Variants in GLYATL2 observed in about 807,000 individuals in gnomAD.
GLYATL2 encodes the protein glycine-N-acyltransferase like 2.
A neutral mutation model predicts 21.4 loss-of-function variants in GLYATL2; 25 were observed. The observed-to-expected ratio is 1.17, with a 90% CI of 0.85 to 1.63. The LOEUF (loss-of-function observed/expected upper bound fraction) is 1.63, where lower values mean the gene tolerates loss of function less well. GLYATL2 is among the 40% of genes most tolerant of loss of function. The probability of loss-of-function intolerance (pLI) is 0.00; values close to 1 mark genes in which losing one functional copy is unlikely to be tolerated. For missense variants in GLYATL2, 361 were observed against 343.3 expected, an observed-to-expected ratio of 1.05 and a Z score of -0.41; for synonymous variants, 114 against 118.2, an observed-to-expected ratio of 0.96 and a Z score of 0.23.
chr11:58,898,268 T>A (rs1190855268), intron 1 of GLYATL2, among the ~76,000 whole-genome samples: 1 of 152,186 alleles, frequency 6.6e-6, no homozygotes, highest in Non-Finnish European at 1.5e-5. Flanking sequence ...GTGAGACAAA[T>A]GTTTTTATTC....
chr11:58,850,970 T>C (rs1853731019), intron 1 of GLYATL2, among the ~76,000 whole-genome samples: 1 of 152,196 alleles, frequency 6.6e-6, no homozygotes, highest in Non-Finnish European at 1.5e-5. Context: ...TTAAAGTCTT[T>C]GATCTTTCTG....
upstream of GLYATL2, among the ~76,000 whole-genome samples, chr11:58,908,795 A>G (rs1854971559): frequency 6.6e-6 from 1 of 152,252 alleles, no homozygotes; most frequent in African/African-American, 2.4e-5. Context: ...ACTTAAAATC[A>G]TGGAAAGTAC....
chr11:58,864,852 A>G (rs1220893018), intron 1 of GLYATL2, among the ~76,000 whole-genome samples: 1 of 149,022 alleles, frequency 6.7e-6, no homozygotes, highest in Non-Finnish European at 1.5e-5. Flanking sequence ...ATCCAGTCAG[A>G]TTTCTAAATA....
intron 1 of GLYATL2, among the ~76,000 whole-genome samples, chr11:58,895,252 T>C (rs4939237): frequency 0.88 from 134,483 of 152,264 alleles, 60,650 homozygotes; most frequent in Non-Finnish European, 0.98. Flanking sequence ...AGGAGGATTT[T>C]TTAAATAGAG....
At chr11:58,872,030 G>A (rs1305763470) in intron 1 of GLYATL2, among the ~76,000 whole-genome samples, 1 of 152,154 alleles carries the variant, frequency 6.6e-6, no homozygotes, top group African/African-American at 2.4e-5. Context: ...TTCTCTGATG[G>A]CCAGTGATGA....
At chr11:58,858,361 TAA>T (rs1295480103) in intron 1 of GLYATL2, among the ~76,000 whole-genome samples, 1 of 152,200 alleles carries the variant, frequency 6.6e-6, no homozygotes, top group African/African-American at 2.4e-5. Flanking sequence ...CAACTGATGA[TAA>T]GTTAGCTAGA....
At chr11:58,867,834 G>A (rs540214521) in intron 1 of GLYATL2, among the ~76,000 whole-genome samples, 2 of 148,946 alleles carry the variant, frequency 1.3e-5, no homozygotes, top group East Asian at 4.4e-4. Context: ...TATCAGAGAA[G>A]TGGACTTGGA....
intron 1 of GLYATL2, among the ~76,000 whole-genome samples, chr11:58,858,942 C>A (rs572947298): frequency 6.6e-6 from 1 of 152,284 alleles, no homozygotes; most frequent in East Asian, 1.9e-4. Flanking sequence ...TCTTGCTATA[C>A]TTTCCTTCTC....
intron 1 of GLYATL2, among the ~76,000 whole-genome samples, chr11:58,882,483 C>A (rs143939970): frequency 6.6e-6 from 1 of 152,068 alleles, no homozygotes. Flanking sequence ...TGGATATTAG[C>A]CCTCTGTCAG....
At chr11:58,869,653 A>G (rs530307158) in intron 1 of GLYATL2, among the ~76,000 whole-genome samples, 1 of 152,332 alleles carries the variant, frequency 6.6e-6, no homozygotes, top group Admixed American at 6.5e-5. Context: ...TGTTGTGACT[A>G]CCAAATTGGC....
chr11:58,872,390 T>G (rs1388767426), intron 1 of GLYATL2, among the ~76,000 whole-genome samples: 1 of 152,192 alleles, frequency 6.6e-6, no homozygotes, highest in Non-Finnish European at 1.5e-5. Context: ...ATTCCCTAGG[T>G]TTTCTTCTAG....
At chr11:58,869,218 A>C (rs1448714314) in intron 1 of GLYATL2, among the ~76,000 whole-genome samples, 3 of 152,194 alleles carry the variant, frequency 2.0e-5, no homozygotes, top group African/African-American at 7.2e-5. Context: ...TAGTCACGGG[A>C]AATTAGAATT....
chr11:58,847,087 G>T (rs1853657377), upstream of GLYATL2, among the ~76,000 whole-genome samples: 1 of 152,136 alleles, frequency 6.6e-6, no homozygotes, highest in South Asian at 2.1e-4. Flanking sequence ...GACATTTGCT[G>T]GGCTGGAAGG....
chr11:58,859,827 C>A (rs1853900059), intron 1 of GLYATL2, among the ~76,000 whole-genome samples: 1 of 152,064 alleles, frequency 6.6e-6, no homozygotes, highest in Admixed American at 6.5e-5. Context: ...TTTCAATTTT[C>A]CAAATGTGGA....
intron 1 of GLYATL2, among the ~76,000 whole-genome samples, chr11:58,901,550 T>G (rs1232200481): frequency 6.6e-6 from 1 of 152,168 alleles, no homozygotes; most frequent in Non-Finnish European, 1.5e-5. Context: ...CAGATCTCTT[T>G]AATTTATACT....
chr11:58,839,517 C>G lies in GLYATL2; in HGVS notation c.78+18G>C. On this transcript the variant is annotated intron_variant, in intron 2 of 5. Coordinates refer to ENST00000287275, the MANE Select transcript of GLYATL2 (RefSeq NM_145016.4). ...AACTCAACCCTCTCTCTCCTTTGATCTCCTCCTACTCCGTTACCTTTATGG... is the reference window on the plus strand; with the variant it reads ...AACTCAACCCTCTCTCTCCTTTGATGTCCTCCTACTCCGTTACCTTTATGG... 6.5e-7 allele frequency: 1 copy of G among 1,531,662 alleles called. No individual in the cohort carries two copies. Among genetic ancestry groups the G allele is most frequent in the Non-Finnish European group, 9.0e-7 (1 of 1,112,434 alleles). The allele number at this position is 1,531,662 out of a possible 1,614,324, so 94.9% of individuals were successfully genotyped here. A position where few individuals can be genotyped will look rare whatever the true frequency, so the allele number is the denominator to read the frequency against.
chr11:58,867,064 G>A (rs1314856421), intron 1 of GLYATL2, among the ~76,000 whole-genome samples: 1 of 148,828 alleles, frequency 6.7e-6, no homozygotes, highest in Non-Finnish European at 1.5e-5. Flanking sequence ...GGCTCCACCA[G>A]CCTCCCACAG....
chr11:58,836,685 A>T (rs925689404), intron 5 of GLYATL2, among the ~76,000 whole-genome samples: 1 of 152,138 alleles, frequency 6.6e-6, no homozygotes, highest in African/African-American at 2.4e-5. Flanking sequence ...TTTATTTTTT[A>T]TTTTATATAC....
intron 2 of GLYATL2, 34 bp from the exon 3 acceptor site, chr11:58,838,402 A>G: frequency 7.5e-7 from 1 of 1,334,816 alleles, no homozygotes; most frequent in Non-Finnish European, 1.1e-6. Context: ...GGAGAGGATG[A>G]AGTTCTTCTC....
Sources: allele counts gnomAD v4.1 joint callset (sites outside exome capture counted in the v4.1 genomes callset), GRCh38; gene constraint gnomAD v4.1.1; transcripts MANE v1.5; gene names NCBI Gene and HGNC (gene_info 2026-07-23, HGNC 2026-07-21).